NFIB: variants seen among roughly 807,000 people sequenced by gnomAD.
NFIB encodes the protein nuclear factor I B, also known as nuclear factor 1 B-type.
A neutral mutation model predicts 61.5 loss-of-function variants in NFIB; 11 were observed. The observed-to-expected ratio is 0.18, with a 90% CI of 0.11 to 0.30. The LOEUF is 0.30. Among genes scored for constraint, NFIB ranks in the 10% least tolerant of loss-of-function variants. The pLI is 1.00. For synonymous variants in NFIB, 260 were observed against 216.5 expected (o/e 1.20, Z -1.76); for missense variants, 471 against 608.9 (o/e 0.77, Z 2.38).
chr9:14,093,989 T>G (rs1232966265), intron 10 of NFIB, among the ~76,000 whole-genome samples: 1 of 152,094 alleles, frequency 6.6e-6, no homozygotes, highest in African/African-American at 2.4e-5. Context: ...TGACCTACCT[T>G]AAAACTTTTA....
At chr9:14,390,738 G>C (rs1285636273) in intron 1 of NFIB, among the ~76,000 whole-genome samples, 1 of 152,188 alleles carries the variant, frequency 6.6e-6, no homozygotes, top group African/African-American at 2.4e-5. Context: ...TTCTATGTGA[G>C]AACACAGTGA....
At chr9:14,102,606 T>C (rs1563786237) in intron 10 of NFIB, 1 of 783,892 alleles carries the variant, frequency 1.3e-6, no homozygotes, top group Non-Finnish European at 1.8e-6. Flanking sequence ...GTACATGGCA[T>C]TAACCTTACT....
Position 14,175,323 on chromosome 9 carries a change from G to A in NFIB, c.616+4404C>T, listed in dbSNP as rs57256893. ...CCAGCAGCTGAGACTACAGGCGCCC[G>A]CCACCATGCCCGGCTAATTTTTTTG... On this transcript the variant is annotated intron_variant, in intron 3 of 10. Transcript: ENST00000380953. 2.8e-3 allele frequency among the ~76,000 whole-genome samples: 427 copies of A among 151,520 alleles called. 2 individuals are homozygous for A. Among genetic ancestry groups the A allele is most frequent in the African/African-American group, 9.6e-3 (397 of 41,314 alleles).
chr9:14,253,325 G>A (rs549115548), intron 2 of NFIB, among the ~76,000 whole-genome samples: 1 of 152,170 alleles, frequency 6.6e-6, no homozygotes, highest in Non-Finnish European at 1.5e-5. Context: ...CTGGTGCAAA[G>A]GGACTGAGTG....
chr9:14,092,955 C>T (rs545800826), intron 10 of NFIB, among the ~76,000 whole-genome samples: 7 of 152,136 alleles, frequency 4.6e-5, no homozygotes, highest in African/African-American at 1.2e-4. Flanking sequence ...AAATTGCTCT[C>T]GGCAGCCATA....
chr9:14,329,200 T>C (rs532906100), intron 1 of NFIB, among the ~76,000 whole-genome samples: 53 of 152,336 alleles, frequency 3.5e-4, no homozygotes, highest in African/African-American at 1.1e-3. Context: ...GTAAAGTGAC[T>C]TACTTATGGC....
chr9:14,277,130 A>C (rs2058055367), intron 2 of NFIB, among the ~76,000 whole-genome samples: 2 of 152,196 alleles, frequency 1.3e-5, no homozygotes, highest in South Asian at 4.1e-4. Context: ...TTTTTTTTAA[A>C]TAACAAGTTT....
chr9:14,237,671 G>A (rs953189661), intron 2 of NFIB, among the ~76,000 whole-genome samples: 3 of 151,724 alleles, frequency 2.0e-5, no homozygotes, highest in Admixed American at 2.0e-4. Context: ...CAATATAAGA[G>A]GTCAGCAACA....
chr9:14,449,388 G>A, the NFIB span, among the ~76,000 whole-genome samples: 1 of 152,066 alleles, frequency 6.6e-6, no homozygotes, highest in African/African-American at 2.4e-5. Context: ...ATGGAACCTG[G>A]GCTTCAGGAC....
rs2060423071 is a variant in NFIB, at chr9:14,314,075, T to C, written c.-564A>G. 2.8e-6 allele frequency: 3 copies of C among 1,056,450 alleles called. No individual in the cohort carries two copies. The highest frequency in any genetic ancestry group is 3.4e-6 in the Non-Finnish European group (3 of 874,650). The allele number at this position is 1,056,450 out of a possible 1,614,324, so 65.4% of individuals were successfully genotyped here. A position where few individuals can be genotyped will look rare whatever the true frequency, so the allele number is the denominator to read the frequency against. On this transcript the variant is annotated 5_prime_UTR_variant, in exon 1 of 11. Transcript: ENST00000380953. ...GCACTGCGGCAGGATCCCGGAGTGG[T>C]GATCGCAGGCGAAACTTTGCCGCGA...
intron 2 of NFIB, among the ~76,000 whole-genome samples, chr9:14,180,026 GT>G (rs947990640): frequency 1.3e-5 from 2 of 152,084 alleles, no homozygotes. Flanking sequence ...CTAGAGCAAG[GT>G]TTTTTTGAAA....
At chr9:14,299,239 C>T (rs1016785903) in intron 2 of NFIB, among the ~76,000 whole-genome samples, 4 of 152,096 alleles carry the variant, frequency 2.6e-5, no homozygotes, top group Non-Finnish European at 4.4e-5. Flanking sequence ...AGCACCAATA[C>T]ATTTATCCAT....
chr9:14,218,538 T>C lies in NFIB; in HGVS notation c.563-38758A>G, dbSNP rs566464631. 2.6e-5 allele frequency among the ~76,000 whole-genome samples: 4 copies of C among 152,312 alleles called. No homozygotes were observed. The South Asian group carries it at 8.3e-4, about 32-fold the overall frequency. On this transcript the variant is annotated intron_variant, in intron 2 of 10. Coordinates refer to ENST00000380953, the MANE Select transcript of NFIB (RefSeq NM_001190737.2). ...CTGCTGTAGAACTCCAAGTTGGGCT[T>C]CTAACCTCCTGAGAGACTGATGACT...
At chr9:14,322,513 C>T (rs2060686740) in intron 1 of NFIB, among the ~76,000 whole-genome samples, 1 of 152,098 alleles carries the variant, frequency 6.6e-6, no homozygotes, top group Non-Finnish European at 1.5e-5. Context: ...GCGCACCCTT[C>T]CGCGCCCGGC....
the NFIB span, among the ~76,000 whole-genome samples, chr9:14,470,350 A>G: frequency 6.6e-6 from 1 of 152,032 alleles, no homozygotes; most frequent in Non-Finnish European, 1.5e-5. Context: ...TAAATTGCAT[A>G]TGGTTTTGGT....
intron 1 of NFIB, among the ~76,000 whole-genome samples, chr9:14,336,738 C>T (rs2060890127): frequency 1.4e-5 from 1 of 71,406 alleles, no homozygotes; most frequent in African/African-American, 3.4e-5. Flanking sequence ...CACATCGAAA[C>T]ACTTTATTTA....
intron 2 of NFIB, among the ~76,000 whole-genome samples, chr9:14,292,178 T>C (rs1173069122): frequency 6.6e-6 from 1 of 152,236 alleles, no homozygotes; most frequent in East Asian, 1.9e-4. Context: ...AATTTACGTT[T>C]ATTTTTCCTC....
chr9:14,200,290 C>T (rs2048893908), intron 2 of NFIB, among the ~76,000 whole-genome samples: 1 of 152,116 alleles, frequency 6.6e-6, no homozygotes, highest in Non-Finnish European at 1.5e-5. Flanking sequence ...TTACAATAAA[C>T]ATAATCCACT....
chr9:14,358,892 G>A (rs1181654791), intron 1 of NFIB, among the ~76,000 whole-genome samples: 1 of 152,084 alleles, frequency 6.6e-6, no homozygotes, highest in Non-Finnish European at 1.5e-5. Flanking sequence ...TAAAAATGAA[G>A]GTAATGATAC....
Sources: allele counts gnomAD v4.1 joint callset (sites outside exome capture counted in the v4.1 genomes callset), GRCh38; gene constraint gnomAD v4.1.1; transcripts MANE v1.5; gene names NCBI Gene and HGNC (gene_info 2026-07-23, HGNC 2026-07-21).